Variants in MTERF2 observed in about 807,000 individuals in gnomAD.
MTERF2 encodes the protein mitochondrial transcription termination factor 2.
In MTERF2, 23 loss-of-function variants were observed where a neutral mutation model predicts 29.2. The ratio of observed to expected loss-of-function variants is 0.79; its 90% CI spans 0.57 to 1.12. The LOEUF is 1.12. MTERF2 is among the 50% of genes most tolerant of loss of function. The pLI, the probability that MTERF2 is intolerant of heterozygous loss-of-function variation, is 0.00. For synonymous variants in MTERF2, 157 were observed against 159.5 expected (o/e 0.98, Z 0.12); for missense variants, 440 against 429.4 (o/e 1.02, Z -0.22).
intron 2 of MTERF2, among the ~76,000 whole-genome samples, chr12:106,984,135 T>TGCTGA (rs1235155213): frequency 4.6e-5 from 7 of 152,202 alleles, no homozygotes; most frequent in Non-Finnish European, 8.8e-5. Context: ...CCTGCTCCTG[T>TGCTGA]GCTGAGCTCA....
chr12:106,982,209 A>C (rs1309344259), intron 2 of MTERF2, among the ~76,000 whole-genome samples: 1 of 152,340 alleles, frequency 6.6e-6, no homozygotes, highest in Admixed American at 6.5e-5. Flanking sequence ...AAACCCCAGG[A>C]ACTCCTGGCT....
chr12:106,978,775 A>G lies in MTERF2; in HGVS notation c.-57-4T>C. ...GACTTAAATGGACTCATTCTATCTG[A>G]AAAAAAGAAAATAAAGGTTTTTAGT... On this transcript the variant is annotated splice_region_variant and splice_polypyrimidine_tract_variant and intron_variant, in intron 2 of 2. Transcript: ENST00000240050. 1 of 1,468,064 alleles carries G rather than the reference A, an allele frequency of 6.8e-7. No homozygotes were observed. The highest frequency in any genetic ancestry group is 9.1e-7 in the Non-Finnish European group (1 of 1,093,052). 90.9% of individuals were successfully genotyped at this position (1,468,064 alleles called of 1,614,324 possible).
In MTERF2 at chr12:106,978,091, C is replaced by T; in HGVS notation, c.624G>A (p.Trp208Ter). 1.9e-6 allele frequency: 3 copies of T among 1,613,984 alleles called. No homozygotes were observed. In the East Asian group the frequency reaches 6.7e-5, roughly 36 times the overall value. The change falls in exon 3 of 3, where the codon TGG becomes TGA. Residue 208 changes from tryptophan (W) to a stop codon, truncating the protein, a stop_gained. Transcript: ENST00000240050. LOFTEE classifies it high-confidence loss of function. ...VGGSEANMKV[W>*]LLKLLSQNPF... ...GGTTTTGGCTTAACAATTTTAGTAG[C>T]CAAACTTTCATGTTGGCCTCAGAGC...
chr12:106,978,808 T>C lies in MTERF2; in HGVS notation c.-57-37A>G, dbSNP rs1593478684. The C allele has an allele frequency of 5.1e-6, 6 of 1,175,672 alleles. No individual in the cohort carries two copies. The East Asian group carries it at 1.5e-4, about 30-fold the overall frequency. 72.8% of individuals were successfully genotyped at this position (1,175,672 alleles called of 1,614,324 possible). A position where few individuals can be genotyped will look rare whatever the true frequency, so the allele number is the denominator to read the frequency against. On this transcript the variant is annotated intron_variant, in intron 2 of 2. Coordinates refer to ENST00000240050, the MANE Select transcript of MTERF2 (RefSeq NM_001033050.3). Reference sequence around the variant, plus strand: ...AAAATAAAGGTTTTTAGTATAAGGGTGTTGACTTTCAGAACACATACACTT... The same window carrying C: ...AAAATAAAGGTTTTTAGTATAAGGGCGTTGACTTTCAGAACACATACACTT...
At chr12:106,982,095 C>A (rs1317706352) in intron 2 of MTERF2, among the ~76,000 whole-genome samples, 2 of 152,148 alleles carry the variant, frequency 1.3e-5, no homozygotes, top group African/African-American at 4.8e-5. Context: ...GTGGATGTGC[C>A]TTGCCATGGT....
intron 2 of MTERF2, among the ~76,000 whole-genome samples, chr12:106,984,298 CCTAT>C (rs1482021083): frequency 6.6e-6 from 1 of 152,178 alleles, no homozygotes; most frequent in Non-Finnish European, 1.5e-5. Context: ...CTGCCCAAAC[CCTAT>C]CTTTCTCTTC....
Position 106,977,577 on chromosome 12 carries a change from G to A in MTERF2, c.1138C>T (p.Pro380Ser), listed in dbSNP as rs376825343. 4.3e-6 allele frequency: 7 copies of A among 1,610,988 alleles called. No homozygotes were observed. In the South Asian group the frequency reaches 7.7e-5, roughly 18 times the overall value. Residue 380 changes from proline (P) to serine (S), a missense_variant, in exon 3 of 3, where the codon CCA becomes TCA. Transcript: ENST00000240050. ...GTATGTCATTCTTCAACATTTAATG[G>A]TGCCACAGGGTTAAATAATGGCCTT... ...KVRPLFNPVA[P>S]LNVEE is the part of the protein sequence containing the mutation.
At chr12:106,979,541 A>G (rs1952030184) in intron 2 of MTERF2, among the ~76,000 whole-genome samples, 1 of 152,172 alleles carries the variant, frequency 6.6e-6, no homozygotes. Context: ...GGAGTTCGAG[A>G]CCAGCTTGGC....
rs1227411876 is a variant in MTERF2 at position 106,977,790 on chromosome 12, C to T, written c.925G>A (p.Glu309Lys). The change falls in exon 3 of 3, where the codon GAA becomes AAA. Residue 309 changes from glutamate (E) to lysine (K), a missense_variant. Transcript: ENST00000240050. Reference protein sequence around the residue: ...LEERMQGLLREGISIAQIRET... With the variant: ...LEERMQGLLRKGISIAQIRET... The stretch of plus-strand genomic sequence containing the variant: ...CTTATCTGAGCTATGGAAATTCCTT[C>T]TCTCAATAATCCTTGCATTCTCTCT... The T allele has an allele frequency of 1.2e-6, 2 of 1,613,964 alleles. No homozygotes were observed. The highest frequency in any genetic ancestry group is 1.3e-5 in the African/African-American group (1 of 75,048).
intron 2 of MTERF2, 103 bp downstream of exon 2, chr12:106,985,012 C>A (rs1952094360): frequency 1.3e-5 from 2 of 152,260 alleles, no homozygotes; most frequent in African/African-American, 4.8e-5. Context: ...GGACACTCGA[C>A]TTTTTTTGAT....
intron 2 of MTERF2, among the ~76,000 whole-genome samples, chr12:106,980,425 T>C (rs1480966081): frequency 6.6e-6 from 1 of 152,248 alleles, no homozygotes; most frequent in African/African-American, 2.4e-5. Flanking sequence ...AAGGATGTTA[T>C]TCCTTTTGGT....
chr12:106,981,302 T>C (rs1952049606), intron 2 of MTERF2, among the ~76,000 whole-genome samples: 1 of 152,202 alleles, frequency 6.6e-6, no homozygotes, highest in African/African-American at 2.4e-5. Flanking sequence ...TCAATGAGTA[T>C]TACCAGCAGC....
chr12:106,978,508 T>C lies in MTERF2; in HGVS notation c.207A>G (p.Val69=). 1 of 1,614,132 alleles carries C rather than the reference T, an allele frequency of 6.2e-7. No individual in the cohort carries two copies. The highest frequency in any genetic ancestry group is 8.5e-7 in the Non-Finnish European group (1 of 1,179,942). The change falls in exon 3 of 3, where the codon GTA becomes GTG. Residue 69 remains valine (V), a synonymous_variant. Transcript: ENST00000240050. ...IRKIRRLKGW[V]LLEDETYVEE... The stretch of plus-strand genomic sequence containing the variant: ...CAACATAGGTTTCATCCTCTAAAAG[T>C]ACCCATCCTTTTAATCTACGAATTT...
rs1360706273 is a variant in MTERF2, at chr12:106,977,603, AC to A, written c.1111del (p.Val371Ter). On this transcript the variant is annotated frameshift_variant, in exon 3 of 3. Transcript: ENST00000240050. LOFTEE classifies it high-confidence loss of function. ...TGCCACAGGGTTAAATAATGGCCTT[AC>A]TTTTTTGGCCTGAATTTTGCCAAAA... ...ANFGKIQAKK[V>X]RPLFNPVAPL... The A allele has an allele frequency of 6.2e-7, 1 of 1,613,490 alleles. No homozygotes were observed. Among genetic ancestry groups the A allele is most frequent in the Non-Finnish European group, 8.5e-7 (1 of 1,179,762 alleles).
Position 106,978,591 on chromosome 12 carries a change from T to C in MTERF2, c.124A>G (p.Ser42Gly), listed in dbSNP as rs571685908. ...TCCACTGTTCTTGTATTTTCTTTGC[T>C]CGACTGTTTATCAGTTGTATAGGTG... is the stretch of plus-strand genomic sequence containing the variant. ...CFTYTTDKQS[S>G]KENTRTVEKL... The change falls in exon 3 of 3, where the codon AGC (serine) becomes GGC (glycine). Residue 42 changes from serine to glycine, a missense_variant. Transcript: ENST00000240050. 31 of 1,614,222 alleles carry C rather than the reference T, an allele frequency of 1.9e-5. No individual in the cohort carries two copies. The East Asian group carries it at 2.7e-4, about 14-fold the overall frequency.
At chr12:106,986,239 TGAA>T (rs1011803346) in intron 1 of MTERF2, 4 of 152,224 alleles carry the variant, frequency 2.6e-5, no homozygotes, top group African/African-American at 9.6e-5. Context: ...TGTTGTGACT[TGAA>T]GAAGTTACTT....
At position 106,977,427 on chromosome 12, in the gene MTERF2, ATAACT is replaced by A. The variant is rs1275105148; in HGVS notation, c.*125_*129del. ...TGAGTCAGAATTTATCTATTTAGAG[ATAACT>A]TAAATACAACACAGAAGCTAAGCAG... On this transcript the variant is annotated 3_prime_UTR_variant, in exon 3 of 3. Coordinates refer to ENST00000240050, the MANE Select transcript of MTERF2 (RefSeq NM_001033050.3). 17 of 661,954 alleles carry A rather than the reference ATAACT, an allele frequency of 2.6e-5. No homozygotes were observed. The highest frequency in any genetic ancestry group is 1.6e-4 in the Admixed American group (5 of 30,962). The allele number at this position is 661,954 out of a possible 1,614,324, so 41.0% of individuals were successfully genotyped here.
chr12:106,985,818 T>C (rs1183129785), intron 1 of MTERF2: 1 of 152,222 alleles, frequency 6.6e-6, no homozygotes, highest in African/African-American at 2.4e-5. Flanking sequence ...TGTTGCTGTT[T>C]GTTTGAAGTT....
chr12:106,981,122 C>T (rs1030361830), intron 2 of MTERF2, among the ~76,000 whole-genome samples: 2 of 152,220 alleles, frequency 1.3e-5, no homozygotes, highest in Non-Finnish European at 2.9e-5. Context: ...CCCTGTTGAG[C>T]GACCCCACAA....
Sources: gnomAD v4.1 joint callset for allele counts (sites outside exome capture counted in the v4.1 genomes callset) on GRCh38, gnomAD v4.1.1 for gene constraint, MANE v1.5 for transcripts, NCBI Gene and HGNC (gene_info 2026-07-23, HGNC 2026-07-21) for gene names.